SLCO3A1: variants seen among roughly 807,000 people sequenced by gnomAD.
SLCO3A1 encodes the protein solute carrier organic anion transporter family member 3A1.
SLCO3A1 carries 27 observed loss-of-function variants against 63.1 expected under a neutral mutation model. The observed-to-expected ratio is 0.43, with a 90% confidence interval of 0.32 to 0.59. SLCO3A1 has a LOEUF of 0.59. Ranked by LOEUF, SLCO3A1 falls within the 20% of genes least tolerant of loss-of-function variation. The probability of loss-of-function intolerance (pLI) is 0.09; values close to 1 mark genes in which losing one functional copy is unlikely to be tolerated. For synonymous variants in SLCO3A1, 473 were observed against 409.9 expected (o/e 1.15, Z -1.86); for missense variants, 773 against 945.8 (o/e 0.82, Z 2.40).
At chr15:91,915,321 G>A (rs1472519881) in intron 1 of SLCO3A1, among the ~76,000 whole-genome samples, 2 of 152,094 alleles carry the variant, frequency 1.3e-5, no homozygotes, top group African/African-American at 4.8e-5. Context: ...ACAAAAAAAC[G>A]GGGGAAATCA....
intron 7 of SLCO3A1, 100 bp from the exon 8 acceptor site, chr15:92,146,884 G>A: frequency 9.1e-7 from 1 of 1,101,298 alleles, no homozygotes; most frequent in South Asian, 1.6e-5. Context: ...GAATGCCACA[G>A]AATGTGTAAT....
intron 2 of SLCO3A1, among the ~76,000 whole-genome samples, chr15:92,042,940 A>G (rs2046817129): frequency 6.6e-6 from 1 of 152,170 alleles, no homozygotes; most frequent in African/African-American, 2.4e-5. Context: ...GGATGACTCA[A>G]GTGGCCATGG....
intron 8 of SLCO3A1, among the ~76,000 whole-genome samples, chr15:92,147,923 C>G (rs2048250705): frequency 6.6e-6 from 1 of 152,166 alleles, no homozygotes; most frequent in Non-Finnish European, 1.5e-5. Context: ...GTACTCTACA[C>G]AAAGACTCAT....
At chr15:92,098,891 A>G (rs1405425445) in intron 3 of SLCO3A1, among the ~76,000 whole-genome samples, 2 of 152,196 alleles carry the variant, frequency 1.3e-5, no homozygotes, top group Non-Finnish European at 2.9e-5. Flanking sequence ...TAAGCACACA[A>G]TAAATACTTA....
intron 9 of SLCO3A1, among the ~76,000 whole-genome samples, chr15:92,152,489 A>G (rs532136973): frequency 6.6e-5 from 10 of 152,334 alleles, no homozygotes; most frequent in African/African-American, 1.4e-4. Context: ...AGATGCCCCA[A>G]TTAAAACAAG....
At chr15:92,065,112 T>G (rs2047134434) in intron 2 of SLCO3A1, among the ~76,000 whole-genome samples, 2 of 147,534 alleles carry the variant, frequency 1.4e-5, no homozygotes, top group South Asian at 4.4e-4. Flanking sequence ...AGATAGAGTC[T>G]AGCTTTGTCA....
chr15:92,070,923 C>T (rs989681649), intron 2 of SLCO3A1, among the ~76,000 whole-genome samples: 2 of 152,044 alleles, frequency 1.3e-5, no homozygotes, highest in Admixed American at 1.3e-4. Context: ...ATGTTATGGA[C>T]ATTTTATCAC....
At chr15:92,023,896 C>T (rs186104337) in intron 2 of SLCO3A1, among the ~76,000 whole-genome samples, 12 of 152,272 alleles carry the variant, frequency 7.9e-5, no homozygotes, top group East Asian at 7.7e-4. Context: ...TTTTGAGCTC[C>T]GTCTCAAGGG....
chr15:92,108,013 G>T (rs2047686562), intron 4 of SLCO3A1, among the ~76,000 whole-genome samples: 1 of 152,192 alleles, frequency 6.6e-6, no homozygotes, highest in Non-Finnish European at 1.5e-5. Context: ...ATTTGAGTCT[G>T]TGGTTCGATT....
Position 92,165,612 on chromosome 15 carries a change from G to A in SLCO3A1, c.*2477G>A, listed in dbSNP as rs1001326771. 1 of 985,202 alleles carries A rather than the reference G, an allele frequency of 1.0e-6. No individual in the cohort carries two copies. Among genetic ancestry groups the A allele is most frequent in the Non-Finnish European group, 1.2e-6 (1 of 829,848 alleles). 61.0% of individuals were successfully genotyped at this position (985,202 alleles called of 1,614,324 possible). A position where few individuals can be genotyped will look rare whatever the true frequency, so the allele number is the denominator to read the frequency against. ...AGAATAACAGGAAGACAACTCCAGG[G>A]CTGAGTTTTATCAGCAATTGGGTAT... On this transcript the variant is annotated 3_prime_UTR_variant, in exon 10 of 10. Coordinates refer to ENST00000318445, the MANE Select transcript of SLCO3A1 (RefSeq NM_013272.4).
At chr15:91,881,828 CA>C (rs1416932916) in intron 1 of SLCO3A1, among the ~76,000 whole-genome samples, 1 of 152,148 alleles carries the variant, frequency 6.6e-6, no homozygotes, top group East Asian at 1.9e-4. Flanking sequence ...TTAGCGCAAG[CA>C]GCATGACTTC....
intron 3 of SLCO3A1, among the ~76,000 whole-genome samples, chr15:92,096,283 GAGTCAC>G (rs1019411512): frequency 1.9e-4 from 29 of 152,274 alleles, no homozygotes; most frequent in African/African-American, 6.7e-4. Flanking sequence ...CCTGAGGCAG[GAGTCAC>G]AGTCTTTTTA....
At chr15:92,127,230 T>C (rs1213267274) in intron 6 of SLCO3A1, among the ~76,000 whole-genome samples, 6 of 152,262 alleles carry the variant, frequency 3.9e-5, no homozygotes, top group Non-Finnish European at 8.8e-5. Flanking sequence ...TCTTCCCGTT[T>C]GCACCTGCTA....
intron 2 of SLCO3A1, among the ~76,000 whole-genome samples, chr15:92,059,166 C>T (rs561610752): frequency 6.6e-6 from 1 of 152,222 alleles, no homozygotes; most frequent in Non-Finnish European, 1.5e-5. Flanking sequence ...TCTCCACCCT[C>T]TCTTACCAAG....
intron 2 of SLCO3A1, among the ~76,000 whole-genome samples, chr15:91,958,777 T>C (rs1900330431): frequency 6.6e-6 from 1 of 152,204 alleles, no homozygotes; most frequent in African/African-American, 2.4e-5. Context: ...CAATAAATGT[T>C]GGCTTGGATG....
At position 91,900,671 on chromosome 15, in the gene SLCO3A1, G is replaced by A. The variant is rs1360620394; in HGVS notation, c.181-15322G>A. ...ATACACATTCTACTGGGTGGGTAGT[G>A]GTATCTCATTGTGACATTTTATTTG... On this transcript the variant is annotated intron_variant, in intron 1 of 9. Coordinates refer to ENST00000318445, the MANE Select transcript of SLCO3A1 (RefSeq NM_013272.4). The surrounding 1 kb of genome is among the most constrained non-coding windows in gnomAD (Gnocchi z 4.3). Among the ~76,000 whole-genome samples, 1 of 152,108 alleles carries A rather than the reference G, an allele frequency of 6.6e-6. No individual in the cohort carries two copies. The highest frequency in any genetic ancestry group is 1.5e-5 in the Non-Finnish European group (1 of 68,004).
At chr15:92,151,807 ACCATGACCTGTATTTTTAG>A (rs2048309578) in intron 9 of SLCO3A1, among the ~76,000 whole-genome samples, 1 of 152,264 alleles carries the variant, frequency 6.6e-6, no homozygotes, top group Non-Finnish European at 1.5e-5. Context: ...AAGGAAAACA[ACCATGACCTGTATTTTTAG>A]AGTAGAAATA....
chr15:92,145,475 A>G (rs111399144), intron 7 of SLCO3A1, among the ~76,000 whole-genome samples: 7 of 152,276 alleles, frequency 4.6e-5, no homozygotes, highest in African/African-American at 1.7e-4. Context: ...AAAGAATGCA[A>G]AAGACATAGG....
At chr15:92,040,821 G>C (rs2046788165) in intron 2 of SLCO3A1, among the ~76,000 whole-genome samples, 1 of 152,302 alleles carries the variant, frequency 6.6e-6, no homozygotes, top group Admixed American at 6.5e-5. Context: ...AACATCAAAA[G>C]TGTCTGTGGA....
Sources: gnomAD v4.1 joint callset for allele counts (sites outside exome capture counted in the v4.1 genomes callset) on GRCh38, gnomAD v4.1.1 for gene constraint, Gnocchi (gnomAD v3.1) non-coding constraint, MANE v1.5 for transcripts, NCBI Gene and HGNC (gene_info 2026-07-23, HGNC 2026-07-21) for gene names.